CCSER1: variants seen among roughly 807,000 people sequenced by gnomAD.
The protein encoded by CCSER1 is coiled-coil serine rich protein 1.
Under a neutral mutation model 82.0 loss-of-function variants are expected in CCSER1, and 41 were observed. That is an observed-to-expected ratio of 0.50 (90% CI 0.39 to 0.65). The LOEUF (loss-of-function observed/expected upper bound fraction) is 0.65, where lower values mean the gene tolerates loss of function less well. Among genes scored for constraint, CCSER1 ranks in the 30% least tolerant of loss-of-function variants. CCSER1 has a pLI of 0.00. For missense variants in CCSER1, 1,119 were observed against 1,064.2 expected (o/e 1.05, Z -0.72); for synonymous variants, 414 against 383.9 (o/e 1.08, Z -0.92).
chr4:91,305,509 T>G (rs1016185141), intron 10 of CCSER1, among the ~76,000 whole-genome samples: 1 of 152,118 alleles, frequency 6.6e-6, no homozygotes, highest in Non-Finnish European at 1.5e-5. Context: ...GGCTATAAAA[T>G]GTAATCAATA....
intron 1 of CCSER1, among the ~76,000 whole-genome samples, chr4:90,240,990 A>G (rs540576289): frequency 1.3e-5 from 2 of 152,344 alleles, no homozygotes; most frequent in South Asian, 2.1e-4. Flanking sequence ...TGGTGTATCA[A>G]TAGACTCTAT....
intron 10 of CCSER1, among the ~76,000 whole-genome samples, chr4:91,531,294 T>G (rs1761017382): frequency 6.6e-6 from 1 of 152,214 alleles, no homozygotes. Flanking sequence ...GTATTCATCA[T>G]ATAAAATGTT....
At chr4:90,809,873 C>G (rs574545490) in intron 7 of CCSER1, among the ~76,000 whole-genome samples, 137 of 150,168 alleles carry the variant, frequency 9.1e-4, no homozygotes, top group Non-Finnish European at 1.7e-3. Flanking sequence ...GACTACTAGA[C>G]AGAGTGATAC....
chr4:91,583,598 G>A (rs1468132276), intron 10 of CCSER1, among the ~76,000 whole-genome samples: 1 of 151,364 alleles, frequency 6.6e-6, no homozygotes, highest in South Asian at 2.1e-4. Context: ...TTGATTATTG[G>A]GATATGCAAT....
intron 4 of CCSER1, among the ~76,000 whole-genome samples, chr4:90,435,703 G>A (rs1758906080): frequency 6.6e-6 from 1 of 152,108 alleles, no homozygotes; most frequent in African/African-American, 2.4e-5. Flanking sequence ...TAATGTGGCA[G>A]TATTTTAATT....
At chr4:91,542,167 A>G (rs577159486) in intron 10 of CCSER1, among the ~76,000 whole-genome samples, 1 of 152,186 alleles carries the variant, frequency 6.6e-6, no homozygotes, top group East Asian at 1.9e-4. Flanking sequence ...ATTTTCTCCC[A>G]TTCTGTAGGT....
intron 1 of CCSER1, among the ~76,000 whole-genome samples, chr4:90,217,895 A>G (rs1386147747): frequency 3.9e-5 from 6 of 152,256 alleles, no homozygotes; most frequent in Non-Finnish European, 7.4e-5. Context: ...TCCCAGGCTC[A>G]AGAGATCCTG....
At chr4:90,988,497 G>A (rs868253494) in intron 9 of CCSER1, among the ~76,000 whole-genome samples, 1 of 151,424 alleles carries the variant, frequency 6.6e-6, no homozygotes, top group Admixed American at 6.6e-5. Flanking sequence ...ATGTCAGCAG[G>A]AAATTTTGAT....
At position 90,905,663 on chromosome 4, in the gene CCSER1, G is replaced by A. The variant is rs534620229; in HGVS notation, c.2095-17707G>A. Reference sequence around the variant, plus strand: ...CTTATTGGAAGTCTATCTCTCCTTCGAAGTAGAAGCAGTGAAATAGCGAGA... The same window carrying A: ...CTTATTGGAAGTCTATCTCTCCTTCAAAGTAGAAGCAGTGAAATAGCGAGA... On this transcript the variant is annotated intron_variant, in intron 8 of 10. Transcript: ENST00000509176. 6.6e-5 allele frequency among the ~76,000 whole-genome samples: 10 copies of A among 152,032 alleles called. No individual in the cohort carries two copies. In the East Asian group the frequency reaches 9.7e-4, roughly 15 times the overall value.
intron 10 of CCSER1, among the ~76,000 whole-genome samples, chr4:91,434,780 A>G (rs1366258118): frequency 6.6e-6 from 1 of 152,204 alleles, no homozygotes; most frequent in East Asian, 1.9e-4. Flanking sequence ...AAATGAGCCA[A>G]GGATTTTCTT....
chr4:91,110,691 T>C (rs1726023955), intron 10 of CCSER1, among the ~76,000 whole-genome samples: 1 of 152,070 alleles, frequency 6.6e-6, no homozygotes, highest in Admixed American at 6.5e-5. Flanking sequence ...TTATTCAACT[T>C]ATATTCATAA....
intron 1 of CCSER1, among the ~76,000 whole-genome samples, chr4:90,161,238 C>G (rs996587249): frequency 6.6e-6 from 1 of 152,088 alleles, no homozygotes. Context: ...ACACAGTATT[C>G]ACCTTCATGC....
chr4:90,784,856 G>T (rs571455056), intron 7 of CCSER1, among the ~76,000 whole-genome samples: 2 of 152,042 alleles, frequency 1.3e-5, no homozygotes, highest in South Asian at 4.2e-4. Flanking sequence ...CTAGAGAAAA[G>T]AAAATGTTTT....
At chr4:90,450,468 G>T (rs1329965855) in intron 4 of CCSER1, among the ~76,000 whole-genome samples, 1 of 152,210 alleles carries the variant, frequency 6.6e-6, no homozygotes, top group Non-Finnish European at 1.5e-5. Flanking sequence ...ATGCCTTATG[G>T]TGAGGAACAG....
chr4:91,459,410 T>G (rs1422105143), intron 10 of CCSER1, among the ~76,000 whole-genome samples: 2 of 152,038 alleles, frequency 1.3e-5, no homozygotes, highest in African/African-American at 4.8e-5. Context: ...CAAATAAAAT[T>G]GTTTGATTCC....
intron 10 of CCSER1, among the ~76,000 whole-genome samples, chr4:91,260,733 T>C (rs912222614): frequency 6.6e-5 from 10 of 151,952 alleles, no homozygotes; most frequent in Admixed American, 3.3e-4. Context: ...ACCACTTACC[T>C]AGGAAGTTTT....
At chr4:91,425,421 A>G (rs1753912483) in intron 10 of CCSER1, among the ~76,000 whole-genome samples, 1 of 152,148 alleles carries the variant, frequency 6.6e-6, no homozygotes, top group Admixed American at 6.5e-5. Context: ...TATGAATTAC[A>G]TGGGAATTGC....
intron 5 of CCSER1, among the ~76,000 whole-genome samples, chr4:90,527,761 A>T (rs1335102086): frequency 9.9e-5 from 15 of 152,128 alleles, no homozygotes; most frequent in Non-Finnish European, 1.5e-4. Flanking sequence ...TATTTGTTAC[A>T]TCTTATATAT....
At chr4:90,167,097 A>C (rs1730595626) in intron 1 of CCSER1, among the ~76,000 whole-genome samples, 1 of 152,074 alleles carries the variant, frequency 6.6e-6, no homozygotes, top group Admixed American at 6.6e-5. Flanking sequence ...AGATAAAATA[A>C]AATTCAGCAA....
Sources: gnomAD v4.1 joint callset for allele counts (sites outside exome capture counted in the v4.1 genomes callset) on GRCh38, gnomAD v4.1.1 for gene constraint, MANE v1.5 for transcripts, NCBI Gene and HGNC (gene_info 2026-07-23, HGNC 2026-07-21) for gene names.